The following SAMMSON variants were observed in gnomAD, a reference collection of about 807,000 sequenced individuals.
The protein encoded by SAMMSON is survival associated mitochondrial melanoma specific oncogenic non-coding RNA, also known as long intergenic non-protein coding RNA 1212.
intron 2 of SAMMSON, among the ~76,000 whole-genome samples, chr3:70,431,262 A>T (rs1487470146): frequency 6.6e-6 from 1 of 152,072 alleles, no homozygotes; most frequent in Admixed American, 6.6e-5. Flanking sequence ...CATTTTTAAG[A>T]TAATAATAGT....
At chr3:70,291,134 T>C (rs965243872) in intron 6 of SAMMSON, 1 of 152,184 alleles carries the variant, frequency 6.6e-6, no homozygotes, top group Non-Finnish European at 1.5e-5. Flanking sequence ...AAAGCAGTTT[T>C]ACCATAAAAA....
intron 4 of SAMMSON, among the ~76,000 whole-genome samples, chr3:70,089,745 G>A (rs2067298783): frequency 6.6e-6 from 1 of 152,076 alleles, no homozygotes; most frequent in Non-Finnish European, 1.5e-5. Context: ...AAAAAATATA[G>A]TTATTCTTGT....
rs762484805 is a variant in SAMMSON at position 70,324,175 on chromosome 3, CT to C, written n.740-29999del. Reference sequence around the variant, plus strand: ...TCTCTCTATCTATCTATCTATCTATCTATCTATCTATCTATCTATCTATCAT... The same window carrying C: ...TCTCTCTATCTATCTATCTATCTATCATCTATCTATCTATCTATCTATCAT... On this transcript the variant is annotated intron_variant and non_coding_transcript_variant, in intron 7 of 9. Transcript: ENST00000642114. 3.9e-5 allele frequency among the ~76,000 whole-genome samples: 4 copies of C among 102,902 alleles called. No individual in the cohort carries two copies. In the East Asian group the frequency reaches 9.1e-4, roughly 24 times the overall value. 67.5% of individuals were successfully genotyped at this position (102,902 alleles called of 152,430 possible).
chr3:70,382,589 G>A (rs1009496317), intron 9 of SAMMSON, among the ~76,000 whole-genome samples: 1 of 149,850 alleles, frequency 6.7e-6, no homozygotes, highest in Non-Finnish European at 1.5e-5. Flanking sequence ...GCTCTCCCTG[G>A]ATGGCTCTTT....
At chr3:70,138,773 A>T (rs996848466) in intron 4 of SAMMSON, among the ~76,000 whole-genome samples, 1 of 152,218 alleles carries the variant, frequency 6.6e-6, no homozygotes, top group Non-Finnish European at 1.5e-5. Context: ...GGTATGATTC[A>T]TTCTGAATCA....
At chr3:70,025,790 T>C (rs2067035110) in intron 3 of SAMMSON, among the ~76,000 whole-genome samples, 2 of 152,202 alleles carry the variant, frequency 1.3e-5, no homozygotes, top group Admixed American at 1.3e-4. Context: ...GTATGTTATA[T>C]GTATTATATA....
At chr3:70,202,802 C>G (rs1701253935) in intron 4 of SAMMSON, among the ~76,000 whole-genome samples, 1 of 152,030 alleles carries the variant, frequency 6.6e-6, no homozygotes, top group Admixed American at 6.6e-5. Flanking sequence ...AACACAGCTT[C>G]CAGAGGTGTT....
At chr3:70,070,316 T>G in intron 3 of SAMMSON, 1 of 152,010 alleles carries the variant, frequency 6.6e-6, no homozygotes, top group Non-Finnish European at 1.5e-5. Context: ...ATATGGGGAT[T>G]TCATTAGTTT....
At chr3:70,196,963 T>C (rs1214902904) in intron 4 of SAMMSON, 1 of 398,536 alleles carries the variant, frequency 2.5e-6, no homozygotes, top group Non-Finnish European at 4.4e-6. Context: ...CATGGCCAGT[T>C]CCAGACACTC....
intron 3 of SAMMSON, among the ~76,000 whole-genome samples, chr3:70,044,461 G>A (rs1365208584): frequency 2.6e-5 from 4 of 152,030 alleles, no homozygotes; most frequent in African/African-American, 9.7e-5. Flanking sequence ...AATGTTAGCT[G>A]CTGTGTACTT....
At chr3:70,131,813 A>G (rs2067484011) in intron 4 of SAMMSON, among the ~76,000 whole-genome samples, 2 of 152,092 alleles carry the variant, frequency 1.3e-5, no homozygotes, top group Non-Finnish European at 1.5e-5. Flanking sequence ...CCTGATCCCA[A>G]TTGATCCACC....
intron 4 of SAMMSON, among the ~76,000 whole-genome samples, chr3:70,153,811 A>G (rs563639335): frequency 5.3e-5 from 8 of 152,012 alleles, no homozygotes; most frequent in African/African-American, 1.9e-4. Context: ...GAGCTTTTTC[A>G]TCGTCTCAAA....
At position 70,366,191 on chromosome 3, in the gene SAMMSON, C is replaced by A. The variant is rs199888822; in HGVS notation, n.913+7867C>A. On this transcript the variant is annotated intron_variant and non_coding_transcript_variant, in intron 9 of 9. Coordinates refer to ENST00000642114, the Ensembl canonical transcript of SAMMSON. ...ATTTTTAGTAGAGACGGGGTTTCAC[C>A]TTGTTAGCCAGGATGGTCTCGATCT... Among the ~76,000 whole-genome samples the A allele has an allele frequency of 1.5e-3, 50 of 34,012 alleles. 12 individuals carry two copies. In the East Asian group the frequency reaches 0.022, roughly 15 times the overall value. 22.3% of individuals were successfully genotyped at this position (34,012 alleles called of 152,430 possible).
At chr3:70,144,885 C>T (rs1473286443) in intron 4 of SAMMSON, among the ~76,000 whole-genome samples, 1 of 152,110 alleles carries the variant, frequency 6.6e-6, no homozygotes, top group East Asian at 1.9e-4. Context: ...TCCAATTAAC[C>T]TCTTTCTTTT....
chr3:70,146,455 T>G (rs765505208), intron 4 of SAMMSON, among the ~76,000 whole-genome samples: 2 of 151,928 alleles, frequency 1.3e-5, no homozygotes, highest in African/African-American at 2.4e-5. Context: ...TTATAAAAAT[T>G]AATACACCAT....
intron 6 of SAMMSON, among the ~76,000 whole-genome samples, chr3:70,252,904 AC>A (rs1326461095): frequency 6.6e-6 from 1 of 151,834 alleles, no homozygotes; most frequent in East Asian, 1.9e-4. Flanking sequence ...ACATCGTGAA[AC>A]CCCCTCTCTA....
chr3:70,348,679 G>A (rs1468283332), intron 7 of SAMMSON, among the ~76,000 whole-genome samples: 2 of 152,086 alleles, frequency 1.3e-5, no homozygotes, highest in African/African-American at 2.4e-5. Flanking sequence ...CCAATTCCAG[G>A]GGTATTGGAA....
intron 4 of SAMMSON, among the ~76,000 whole-genome samples, chr3:70,166,379 A>C (rs1252887389): frequency 1.3e-5 from 2 of 152,130 alleles, no homozygotes; most frequent in East Asian, 3.9e-4. Context: ...CAATAGCTAG[A>C]AGAATAGCAG....
At chr3:70,221,776 A>G (rs907052770) in intron 4 of SAMMSON, among the ~76,000 whole-genome samples, 2 of 152,186 alleles carry the variant, frequency 1.3e-5, no homozygotes, top group African/African-American at 4.8e-5. Context: ...CCGTGATTAT[A>G]TCGAGCATCA....
Sources: gnomAD v4.1 joint callset for allele counts (sites outside exome capture counted in the v4.1 genomes callset) on GRCh38, gnomAD v4.1.1 for gene constraint, MANE v1.5 for transcripts, NCBI Gene and HGNC (gene_info 2026-07-23, HGNC 2026-07-21) for gene names.